The following YAE1 variants were observed in gnomAD, a reference collection of about 807,000 sequenced individuals.
YAE1 encodes protein YAE1 homolog.
Under a neutral mutation model 23.0 loss-of-function variants are expected in YAE1, and 22 were observed. The observed-to-expected ratio is 0.96, with a 90% confidence interval of 0.68 to 1.37. The LOEUF (loss-of-function observed/expected upper bound fraction) is 1.37. YAE1 is among the 40% of genes most tolerant of loss of function. YAE1 has a pLI of 0.00. For synonymous variants in YAE1, 101 were observed against 97.0 expected (o/e 1.04, Z -0.24); for missense variants, 260 against 262.1 (o/e 0.99, Z 0.06).
At chr7:39,591,894 T>C (rs542867097) in intron 2 of YAE1, among the ~76,000 whole-genome samples, 5 of 152,388 alleles carry the variant, frequency 3.3e-5, no homozygotes, top group African/African-American at 1.2e-4. Context: ...TATGTATTTT[T>C]GCCTTTTCCG....
rs180915178 is a variant in YAE1, at chr7:39,586,374, G to T, written c.251+15747G>T. Among the ~76,000 whole-genome samples, 19 of 150,452 alleles carry T rather than the reference G, an allele frequency of 1.3e-4. No homozygotes were observed. In the East Asian group the frequency reaches 3.8e-3, roughly 30 times the overall value. On this transcript the variant is annotated intron_variant, in intron 2 of 2. Transcript: ENST00000432096. ...TTTTTAATAGAGACGGGGTTTCACC[G>T]TGTTAGTCAGGATGGTCTCAATCTC...
intron 2 of YAE1, among the ~76,000 whole-genome samples, chr7:39,586,611 C>T (rs369454005): frequency 1.3e-5 from 2 of 151,660 alleles, no homozygotes; most frequent in South Asian, 4.2e-4. Flanking sequence ...CATTCTCCTG[C>T]CTCAGCCTCC....
chr7:39,608,648 A>C (rs1002444279), intron 2 of YAE1, among the ~76,000 whole-genome samples: 5 of 152,242 alleles, frequency 3.3e-5, no homozygotes, highest in Non-Finnish European at 5.9e-5. Context: ...ATTCTATTCA[A>C]CATACGTTTT....
chr7:39,597,526 A>T (rs888885774), intron 2 of YAE1, among the ~76,000 whole-genome samples: 4 of 152,216 alleles, frequency 2.6e-5, no homozygotes, highest in Admixed American at 2.6e-4. Flanking sequence ...ATTACATCTC[A>T]CTTTTCCTCA....
intron 2 of YAE1, chr7:39,609,531 G>A (rs1176282324): frequency 6.8e-7 from 1 of 1,468,928 alleles, no homozygotes; most frequent in East Asian, 2.5e-5. Context: ...AAATGATGAT[G>A]TTATCGAATT....
intron 2 of YAE1, among the ~76,000 whole-genome samples, chr7:39,599,852 G>A (rs1187708186): frequency 6.6e-6 from 1 of 152,046 alleles, no homozygotes; most frequent in African/African-American, 2.4e-5. Context: ...GCCTCCCAAA[G>A]TGCTGGGATT....
chr7:39,596,410 G>A (rs1260398761), intron 2 of YAE1, among the ~76,000 whole-genome samples: 1 of 151,864 alleles, frequency 6.6e-6, no homozygotes, highest in East Asian at 1.9e-4. Flanking sequence ...GCTAATTTTT[G>A]TATTTTTAGT....
chr7:39,608,395 G>C (rs754864335), intron 2 of YAE1, among the ~76,000 whole-genome samples: 1 of 152,188 alleles, frequency 6.6e-6, no homozygotes, highest in Non-Finnish European at 1.5e-5. Context: ...AAGACGTAGG[G>C]ATTGAGAGAG....
intron 2 of YAE1, among the ~76,000 whole-genome samples, chr7:39,605,729 C>T (rs1023192092): frequency 5.3e-5 from 8 of 151,930 alleles, no homozygotes; most frequent in South Asian, 4.2e-4. Flanking sequence ...ATCTTTTTTT[C>T]TCTCTCTCTC....
chr7:39,572,884 TC>T (rs1790596076), downstream of YAE1: 1 of 1,240,120 alleles, frequency 8.1e-7, no homozygotes, highest in Non-Finnish European at 1.0e-6. Context: ...AAGCCTTTTT[TC>T]TTTGTCACTG....
At chr7:39,576,923 T>G (rs1168240085), downstream of YAE1, among the ~76,000 whole-genome samples, 2 of 152,236 alleles carry the variant, frequency 1.3e-5, no homozygotes, top group Non-Finnish European at 2.9e-5. Flanking sequence ...AGATGGAGTT[T>G]TACTCCTGTT....
At chr7:39,589,679 T>G (rs1583678143) in intron 2 of YAE1, among the ~76,000 whole-genome samples, 1 of 152,350 alleles carries the variant, frequency 6.6e-6, no homozygotes, top group South Asian at 2.1e-4. Flanking sequence ...TGTTCTGAGC[T>G]TTTGTGCTTT....
At chr7:39,609,753 C>T (rs1300218928) in exon 3 of YAE1, 14 of 1,535,164 alleles carry the variant, frequency 9.1e-6, no homozygotes, top group Non-Finnish European at 1.2e-5. Flanking sequence ...GCCCACGGAG[C>T]TCGAGGCGAC....
exon 3 of YAE1, chr7:39,610,238 T>G (rs1791190762): frequency 1.8e-6 from 1 of 567,860 alleles, no homozygotes; most frequent in African/African-American, 1.9e-5. Flanking sequence ...ATGAGCAGAT[T>G]ATGCGACCAT....
At chr7:39,572,239 T>A in intron 2 of YAE1, 38 bp from the exon 3 acceptor site, 4 of 1,542,046 alleles carry the variant, frequency 2.6e-6, no homozygotes, top group Non-Finnish European at 3.5e-6. Flanking sequence ...TTTTAAGTCC[T>A]ATTTTGCTAT....
In YAE1 at chr7:39,572,364, T is replaced by A; in HGVS notation, c.339T>A (p.Cys113Ter). 1 of 1,614,158 alleles carries A rather than the reference T, an allele frequency of 6.2e-7. No homozygotes were observed. Among genetic ancestry groups the A allele is most frequent in the African/African-American group, 1.3e-5 (1 of 75,058 alleles). ...ATCTTCTGGATGCAGTTGGCCAGTG[T>A]GAAGAGTATGTGCTCAAACATCTGA... is the stretch of plus-strand genomic sequence containing the variant. ...INNLLDAVGQ[C>*]EEYVLKHLKS... The change falls in exon 3 of 3, where the codon TGT becomes TGA. Residue 113 changes from cysteine to a stop codon, truncating the protein, a stop_gained. Transcript: ENST00000223273. LOFTEE classifies it high-confidence loss of function.
intron 2 of YAE1, among the ~76,000 whole-genome samples, chr7:39,589,332 A>G (rs1416263209): frequency 6.6e-6 from 1 of 152,178 alleles, no homozygotes; most frequent in Non-Finnish European, 1.5e-5. Context: ...GTTAAAGTTT[A>G]AAAAGCTTCA....
At chr7:39,588,380 C>A (rs757319105) in intron 2 of YAE1, among the ~76,000 whole-genome samples, 7 of 151,842 alleles carry the variant, frequency 4.6e-5, no homozygotes, top group Non-Finnish European at 1.0e-4. Context: ...GGCTTGGTGG[C>A]GTGTGCCTGT....
intron 2 of YAE1, among the ~76,000 whole-genome samples, chr7:39,571,269 CTTTTTTCT>C (rs980378017): frequency 1.3e-4 from 18 of 141,928 alleles, no homozygotes; most frequent in African/African-American, 4.6e-4. Flanking sequence ...GATATTTTTT[CTTTTTTCT>C]TTTTTTTTTT....
Sources: gnomAD v4.1 joint callset for allele counts (sites outside exome capture counted in the v4.1 genomes callset) on GRCh38, gnomAD v4.1.1 for gene constraint, MANE v1.5 for transcripts, NCBI Gene and HGNC (gene_info 2026-07-23, HGNC 2026-07-21) for gene names.